The following FNBP1L variants were observed in gnomAD, a reference collection of about 807,000 sequenced individuals.
FNBP1L encodes formin-binding protein 1-like.
Under a neutral mutation model 91.2 loss-of-function variants are expected in FNBP1L, and 36 were observed. The observed-to-expected ratio is 0.39, with a 90% CI of 0.30 to 0.52. The LOEUF (loss-of-function observed/expected upper bound fraction) is 0.52. Ranked by LOEUF, FNBP1L falls within the 20% of genes least tolerant of loss-of-function variation. The pLI is 0.66. For missense variants in FNBP1L, 571 were observed against 732.1 expected (o/e 0.78, Z 2.54); for synonymous variants, 242 against 237.0 (o/e 1.02, Z -0.19).
At chr1:93,459,505 C>G (rs754334263) in intron 1 of FNBP1L, among the ~76,000 whole-genome samples, 15 of 152,042 alleles carry the variant, frequency 9.9e-5, no homozygotes, top group Non-Finnish European at 1.8e-4. Context: ...CAGGGAAATG[C>G]AAATTAAAGC....
intron 3 of FNBP1L, among the ~76,000 whole-genome samples, chr1:93,522,524 G>T (rs1206540243): frequency 6.6e-6 from 1 of 151,926 alleles, no homozygotes; most frequent in Non-Finnish European, 1.5e-5. Context: ...GAAAAGCACT[G>T]AGAGTTTTTG....
chr1:93,521,857 A>G (rs1411205018), intron 2 of FNBP1L, among the ~76,000 whole-genome samples: 1 of 152,192 alleles, frequency 6.6e-6, no homozygotes, highest in Admixed American at 6.5e-5. Flanking sequence ...TTCCATTCAT[A>G]TGAAAATACA....
chr1:93,481,888 A>C (rs1203241002), intron 1 of FNBP1L, among the ~76,000 whole-genome samples: 1 of 152,184 alleles, frequency 6.6e-6, no homozygotes, highest in East Asian at 1.9e-4. Flanking sequence ...GGCTGGGCAC[A>C]GTGGCTCACA....
chr1:93,534,986 G>T, intron 9 of FNBP1L, 78 bp downstream of exon 9: 1 of 1,124,624 alleles, frequency 8.9e-7, no homozygotes. Context: ...AATGCAAAAT[G>T]ATTTACCATT....
At position 93,499,563 on chromosome 1, in the gene FNBP1L, G is replaced by T; in HGVS notation, c.120G>T (p.Gln40His). 1.3e-6 allele frequency: 2 copies of T among 1,582,506 alleles called. No homozygotes were observed. Among genetic ancestry groups the T allele is most frequent in the Admixed American group, 3.8e-5 (2 of 52,106 alleles). ...TTAAAGAGAGGATAGAAATTGAACA[G>T]AACTATGCGAAACAATTGAGGTAAG... ...KFVKERIEIE[Q>H]NYAKQLRNLV... The change falls in exon 2 of 17, where the codon CAG becomes CAT. Residue 40 changes from glutamine to histidine, a missense_variant. This residue lies in a region of FNBP1L where 220 missense variants were observed against 313.6 expected (regional missense o/e 0.70). Coordinates refer to ENST00000271234, the MANE Select transcript of FNBP1L (RefSeq NM_001164473.3).
At chr1:93,506,650 CT>C (rs1452622786) in intron 2 of FNBP1L, among the ~76,000 whole-genome samples, 1 of 152,146 alleles carries the variant, frequency 6.6e-6, no homozygotes, top group Non-Finnish European at 1.5e-5. Flanking sequence ...GTGATTAGAA[CT>C]CAGCCTCTCA....
At chr1:93,493,090 C>T (rs569294794) in intron 1 of FNBP1L, among the ~76,000 whole-genome samples, 117 of 152,190 alleles carry the variant, frequency 7.7e-4, no homozygotes, top group African/African-American at 2.6e-3. Context: ...ATGGCAAAAC[C>T]GTGTCTCTAC....
At chr1:93,520,656 T>G (rs1671289862) in intron 2 of FNBP1L, among the ~76,000 whole-genome samples, 1 of 152,172 alleles carries the variant, frequency 6.6e-6, no homozygotes, top group African/African-American at 2.4e-5. Context: ...ATCATTTATT[T>G]CTCGTAACTG....
intron 12 of FNBP1L, 92 bp from the exon 13 acceptor site, chr1:93,546,750 G>A: frequency 1.5e-6 from 2 of 1,328,432 alleles, no homozygotes; most frequent in Non-Finnish European, 2.1e-6. Context: ...TTAAGATTAA[G>A]CTGCGTACGA....
chr1:93,552,090 G>A lies in FNBP1L; in HGVS notation c.1811-319G>A, dbSNP rs181500509. ...GCCTTTAGGGCATTTTGTTATTTCC[G>A]CTGAATCATTAGTTATTAGGATAGA... On this transcript the variant is annotated intron_variant, in intron 16 of 16. Transcript: ENST00000271234. The A allele has an allele frequency of 1.6e-4, 179 of 1,092,630 alleles. 1 individual carries two copies. The African/African-American group carries it at 2.4e-3, about 15-fold the overall frequency. The allele number at this position is 1,092,630 out of a possible 1,614,324, so 67.7% of individuals were successfully genotyped here. A position where few individuals can be genotyped will look rare whatever the true frequency, so the allele number is the denominator to read the frequency against.
At chr1:93,534,622 T>C (rs1671786533) in intron 8 of FNBP1L, 83 bp from the exon 9 acceptor site, 7 of 845,678 alleles carry the variant, frequency 8.3e-6, no homozygotes, top group Non-Finnish European at 1.3e-5. Context: ...ATTTGTTGTT[T>C]TTTTGTACTG....
chr1:93,491,597 A>G (rs979997038), intron 1 of FNBP1L, among the ~76,000 whole-genome samples: 6 of 152,170 alleles, frequency 3.9e-5, no homozygotes, highest in African/African-American at 1.4e-4. Flanking sequence ...TGGGCCTCCT[A>G]AAGTGCTGGA....
At chr1:93,511,099 A>G (rs1670822488) in intron 2 of FNBP1L, among the ~76,000 whole-genome samples, 1 of 152,206 alleles carries the variant, frequency 6.6e-6, no homozygotes, top group African/African-American at 2.4e-5. Flanking sequence ...CAGGAAATAA[A>G]GAGAATGCCA....
chr1:93,520,029 T>G (rs1671269693), intron 2 of FNBP1L, among the ~76,000 whole-genome samples: 1 of 152,210 alleles, frequency 6.6e-6, no homozygotes, highest in African/African-American at 2.4e-5. Context: ...CTTTTCTCAG[T>G]GTCTTGCCTG....
At chr1:93,492,289 A>G (rs1054097798) in intron 1 of FNBP1L, among the ~76,000 whole-genome samples, 8 of 152,326 alleles carry the variant, frequency 5.3e-5, no homozygotes, top group Non-Finnish European at 1.2e-4. Flanking sequence ...GGAGATAACA[A>G]CAAGAAGAGA....
intron 1 of FNBP1L, among the ~76,000 whole-genome samples, chr1:93,497,096 A>G (rs1323362594): frequency 6.6e-6 from 1 of 152,038 alleles, no homozygotes; most frequent in East Asian, 1.9e-4. Flanking sequence ...AATAGCTGGG[A>G]CTACAGGCAT....
intron 2 of FNBP1L, among the ~76,000 whole-genome samples, chr1:93,507,160 G>GTCCC (rs1365245564): frequency 4.5e-5 from 2 of 44,548 alleles, no homozygotes; most frequent in African/African-American, 1.9e-4. Flanking sequence ...CTTTCTCTCC[G>GTCCC]TCCCTCCCTC....
chr1:93,546,215 G>C (rs1672230188), intron 12 of FNBP1L, among the ~76,000 whole-genome samples: 1 of 151,968 alleles, frequency 6.6e-6, no homozygotes, highest in Non-Finnish European at 1.5e-5. Flanking sequence ...GAGGAGGAGG[G>C]AAAAGAAAAT....
intron 2 of FNBP1L, among the ~76,000 whole-genome samples, chr1:93,515,833 G>C (rs1208479854): frequency 6.6e-6 from 1 of 151,900 alleles, no homozygotes; most frequent in East Asian, 1.9e-4. Flanking sequence ...GTTAGTGAGT[G>C]CAGCCCACCA....
Sources: allele counts gnomAD v4.1 joint callset (sites outside exome capture counted in the v4.1 genomes callset), GRCh38; gene constraint gnomAD v4.1.1; regional missense constraint gnomAD v4.1.1; transcripts MANE v1.5; gene names NCBI Gene and HGNC (gene_info 2026-07-23, HGNC 2026-07-21).